The following UBR2 variants were observed in gnomAD, a reference collection of about 807,000 sequenced individuals.
The protein encoded by UBR2 is ubiquitin protein ligase E3 component n-recognin 2.
In UBR2, 92 loss-of-function variants were observed where a neutral mutation model predicts 247.9. The observed-to-expected ratio is 0.37, with a 90% CI of 0.31 to 0.44. The LOEUF (loss-of-function observed/expected upper bound fraction) is 0.44. UBR2 is among the 20% of genes least tolerant of loss of function. The pLI is 1.00. For synonymous variants in UBR2, 672 were observed against 693.5 expected (o/e 0.97, Z 0.49); for missense variants, 1,613 against 2,112.6 (o/e 0.76, Z 4.64).
At chr6:42,615,402 G>A (rs1289970198) in intron 9 of UBR2, among the ~76,000 whole-genome samples, 1 of 152,106 alleles carries the variant, frequency 6.6e-6, no homozygotes, top group Non-Finnish European at 1.5e-5. Context: ...AGAAAACTTG[G>A]TTTTATAAAC....
chr6:42,605,156 C>T (rs1397042916), intron 5 of UBR2, among the ~76,000 whole-genome samples: 1 of 152,154 alleles, frequency 6.6e-6, no homozygotes, highest in African/African-American at 2.4e-5. Flanking sequence ...TTTACCTTTG[C>T]CACCTTAGCA....
intron 16 of UBR2, 113 bp downstream of exon 16, chr6:42,640,383 GGTGTGTGTGTGTGTGT>G (rs61668810): frequency 3.7e-4 from 65 of 174,414 alleles, no homozygotes; most frequent in African/African-American, 1.4e-3. Context: ...GAACCAGTAA[GGTGTGTGTGTGTGTGT>G]GTGTGTGTGT....
At chr6:42,595,940 A>T (rs545156179) in intron 4 of UBR2, among the ~76,000 whole-genome samples, 15 of 151,800 alleles carry the variant, frequency 9.9e-5, no homozygotes, top group Non-Finnish European at 1.5e-4. Context: ...TTCCACTTCT[A>T]TTGGAGAAGC....
chr6:42,603,717 G>A lies in UBR2; in HGVS notation c.661G>A (p.Val221Ile). The change falls in exon 5 of 47, where the codon GTA becomes ATA. Residue 221 changes from valine (V) to isoleucine (I), a missense_variant and splice_region_variant. Physicochemically the swap from Val to Ile is conservative, Grantham distance 29 (BLOSUM62 3). Coordinates refer to ENST00000372901, the MANE Select transcript of UBR2 (RefSeq NM_001363705.2). The stretch of plus-strand genomic sequence containing the variant: ...TGAATTGCCAGCAGATTTAGAGATG[G>A]TGTAAGTATAACCTGTTTATTCTTC... ...ESELPADLEM[V>I]EKSDTYYCML... is the part of the protein sequence containing the mutation. 2.5e-6 allele frequency: 4 copies of A among 1,597,642 alleles called. No homozygotes were observed. The highest frequency in any genetic ancestry group is 3.4e-6 in the Non-Finnish European group (4 of 1,176,262).
chr6:42,616,489 TA>T (rs992011502), intron 10 of UBR2, among the ~76,000 whole-genome samples: 13 of 150,682 alleles, frequency 8.6e-5, no homozygotes, highest in South Asian at 2.1e-4. Context: ...TCTTAGTCTT[TA>T]AAAAAAAATA....
intron 2 of UBR2, among the ~76,000 whole-genome samples, chr6:42,589,245 A>T (rs1323560436): frequency 6.6e-6 from 1 of 152,212 alleles, no homozygotes; most frequent in Non-Finnish European, 1.5e-5. Flanking sequence ...CTGGGATTAC[A>T]GGTGTGAGCC....
Position 42,691,218 on chromosome 6 carries a change from G to C in UBR2, c.*45G>C. 1 of 1,590,612 alleles carries C rather than the reference G, an allele frequency of 6.3e-7. No homozygotes were observed. The highest frequency in any genetic ancestry group is 1.7e-4 in the Middle Eastern group (1 of 6,002). ...CACAAACTTGGATTTTTTTAACCCA[G>C]TTGGCTTTTTAAGAAAGAAAGAAGT... On this transcript the variant is annotated 3_prime_UTR_variant, in exon 47 of 47. Coordinates refer to ENST00000372901, the MANE Select transcript of UBR2 (RefSeq NM_001363705.2).
chr6:42,617,617 G>A, intron 11 of UBR2, 110 bp downstream of exon 11: 1 of 985,310 alleles, frequency 1.0e-6, no homozygotes, highest in Non-Finnish European at 1.5e-6. Flanking sequence ...TTTTATTAAT[G>A]GGTAATCAGA....
At chr6:42,649,526 C>CA (rs1193607648) in intron 22 of UBR2, among the ~76,000 whole-genome samples, 4 of 152,056 alleles carry the variant, frequency 2.6e-5, no homozygotes, top group Non-Finnish European at 5.9e-5. Context: ...ATTGCCTTCC[C>CA]AAAAAAGTCC....
chr6:42,601,656 C>T (rs1193037932), intron 4 of UBR2, among the ~76,000 whole-genome samples: 1 of 146,832 alleles, frequency 6.8e-6, no homozygotes, highest in African/African-American at 2.5e-5. Context: ...CCATTGCACT[C>T]CAGCCTGGGC....
chr6:42,632,513 T>A, intron 11 of UBR2, 39 bp from the exon 12 acceptor site: 2 of 1,524,434 alleles, frequency 1.3e-6, no homozygotes, highest in Non-Finnish European at 1.8e-6. Flanking sequence ...TAGTACATAG[T>A]TTTTGATTAC....
chr6:42,644,599 T>G (rs2151960712), intron 20 of UBR2, 63 bp downstream of exon 20: 1 of 1,378,326 alleles, frequency 7.3e-7, no homozygotes, highest in Admixed American at 1.8e-5. Flanking sequence ...GCAAATAGTT[T>G]GGAATTTCTG....
chr6:42,679,779 C>T lies in UBR2; in HGVS notation c.4665C>T (p.Asn1555=). The change falls in exon 42 of 47, where the codon AAC becomes AAT. Residue 1555 remains asparagine, a synonymous_variant. Coordinates refer to ENST00000372901, the MANE Select transcript of UBR2 (RefSeq NM_001363705.2). ...HLCSYLSLPN[N]LICLFQENSE... Reference sequence around the variant, plus strand: ...GTAGCTATCTTTCCCTACCAAACAACCTCATTTGCCTTTTTCAAGAAAATA... The same window carrying T: ...GTAGCTATCTTTCCCTACCAAACAATCTCATTTGCCTTTTTCAAGAAAATA... The T allele has an allele frequency of 1.9e-6, 3 of 1,613,640 alleles. No individual in the cohort carries two copies. The South Asian group carries it at 3.3e-5, about 18-fold the overall frequency.
At chr6:42,684,892 T>C (rs1799285713) in intron 44 of UBR2, 21 bp downstream of exon 44, 2 of 1,592,088 alleles carry the variant, frequency 1.3e-6, no homozygotes, top group Non-Finnish European at 8.6e-7. Context: ...CTGTTAGCAT[T>C]GAACATTCCC....
At chr6:42,583,341 G>A (rs1418215163) in intron 2 of UBR2, among the ~76,000 whole-genome samples, 4 of 151,018 alleles carry the variant, frequency 2.6e-5, no homozygotes, top group East Asian at 1.9e-4. Context: ...TCTGCCTCCC[G>A]GATTCAAGCG....
chr6:42,654,058 A>G (rs1797287019), intron 25 of UBR2, among the ~76,000 whole-genome samples: 1 of 152,326 alleles, frequency 6.6e-6, no homozygotes, highest in Non-Finnish European at 1.5e-5. Flanking sequence ...CAGTAAAACC[A>G]GGATTCAGAT....
At chr6:42,575,880 AATTT>A (rs967499974) in intron 2 of UBR2, among the ~76,000 whole-genome samples, 6 of 152,170 alleles carry the variant, frequency 3.9e-5, no homozygotes, top group African/African-American at 7.2e-5. Flanking sequence ...TCAAACTTTC[AATTT>A]ATTTATTTAT....
At position 42,659,642 on chromosome 6, in the gene UBR2, C is replaced by T. The variant is rs1226335710; in HGVS notation, c.3243-14C>T. 1.2e-6 allele frequency: 2 copies of T among 1,607,882 alleles called. No individual in the cohort carries two copies. The highest frequency in any genetic ancestry group is 1.7e-5 in the Admixed American group (1 of 59,450). ...TTGGGATCATTAATTATATTCATAA[C>T]CTTTGTATTGCAGCCCTGTGGCTTC... On this transcript the variant is annotated splice_polypyrimidine_tract_variant and intron_variant, in intron 29 of 46. Transcript: ENST00000372901. The surrounding 1 kb of genome is among the most constrained non-coding windows in gnomAD (Gnocchi z 4.3).
At chr6:42,627,302 A>C (rs1461488038) in intron 11 of UBR2, among the ~76,000 whole-genome samples, 1 of 152,030 alleles carries the variant, frequency 6.6e-6, no homozygotes, top group Non-Finnish European at 1.5e-5. Flanking sequence ...CACCAATCTT[A>C]GGTTTTACAA....
Sources: gnomAD v4.1 joint callset for allele counts (sites outside exome capture counted in the v4.1 genomes callset) on GRCh38, gnomAD v4.1.1 for gene constraint, Gnocchi (gnomAD v3.1) non-coding constraint, MANE v1.5 for transcripts, NCBI Gene and HGNC (gene_info 2026-07-23, HGNC 2026-07-21) for gene names.